HLCS: variants seen among roughly 807,000 people sequenced by gnomAD.
HLCS encodes biotin--protein ligase.
In HLCS, 53 loss-of-function variants were observed where a neutral mutation model predicts 75.0. The observed-to-expected ratio is 0.71, with a 90% confidence interval of 0.57 to 0.89. HLCS has a LOEUF of 0.89. HLCS is among the 40% of genes least tolerant of loss of function. The pLI is 0.00. For missense variants in HLCS, 966 were observed against 1,074.0 expected (o/e 0.90, Z 1.41); for synonymous variants, 431 against 428.6 (o/e 1.01, Z -0.07).
intron 1 of HLCS, among the ~76,000 whole-genome samples, chr21:36,984,717 G>C (rs929735335): frequency 5.3e-5 from 8 of 152,158 alleles, no homozygotes; most frequent in Admixed American, 2.0e-4. Context: ...ATGATCAGGG[G>C]TGATGGCTGC....
intron 5 of HLCS, among the ~76,000 whole-genome samples, chr21:36,920,551 T>C (rs1173749439): frequency 1.3e-5 from 2 of 152,058 alleles, no homozygotes; most frequent in East Asian, 3.8e-4. Context: ...GGATAAATGC[T>C]TGAGAAGATA....
intron 6 of HLCS, among the ~76,000 whole-genome samples, chr21:36,816,734 T>C (rs920233976): frequency 1.1e-4 from 16 of 152,190 alleles, no homozygotes; most frequent in African/African-American, 3.6e-4. Context: ...TCGGAAACGC[T>C]GACTTCAGGA....
At chr21:36,816,078 G>C (rs1484492004) in intron 6 of HLCS, among the ~76,000 whole-genome samples, 1 of 152,140 alleles carries the variant, frequency 6.6e-6, no homozygotes, top group African/African-American at 2.4e-5. Flanking sequence ...CAATGGCTAA[G>C]AGTACCAGAG....
intron 6 of HLCS, among the ~76,000 whole-genome samples, chr21:36,793,664 G>A (rs1309437119): frequency 1.3e-5 from 2 of 152,028 alleles, no homozygotes; most frequent in African/African-American, 4.8e-5. Flanking sequence ...TGAGTAAGCT[G>A]GTAGGATCAA....
At chr21:36,932,241 G>T (rs1043445233) in intron 4 of HLCS, among the ~76,000 whole-genome samples, 1 of 152,144 alleles carries the variant, frequency 6.6e-6, no homozygotes, top group African/African-American at 2.4e-5. Flanking sequence ...TTATTTAGAA[G>T]TCTGGTGATG....
At chr21:36,783,204 C>T (rs1321382487) in intron 6 of HLCS, among the ~76,000 whole-genome samples, 1 of 152,070 alleles carries the variant, frequency 6.6e-6, no homozygotes, top group African/African-American at 2.4e-5. Context: ...ATCAGAATCG[C>T]CTGCAGTTTT....
intron 5 of HLCS, among the ~76,000 whole-genome samples, chr21:36,927,082 G>A (rs150808448): frequency 3.9e-5 from 6 of 152,306 alleles, no homozygotes; most frequent in African/African-American, 4.8e-5. Flanking sequence ...TGTGGTAAAC[G>A]TGTGTTTGTG....
chr21:36,851,153 T>C (rs1418324442), intron 6 of HLCS, among the ~76,000 whole-genome samples: 1 of 152,162 alleles, frequency 6.6e-6, no homozygotes, highest in Non-Finnish European at 1.5e-5. Flanking sequence ...AGAGCTACCA[T>C]ACAATCCAGC....
intron 2 of HLCS, among the ~76,000 whole-genome samples, chr21:36,959,024 C>T (rs776615954): frequency 1.5e-4 from 23 of 152,184 alleles, no homozygotes; most frequent in Non-Finnish European, 2.8e-4. Flanking sequence ...TGGGAGCAGG[C>T]AGGAGCCCTT....
In HLCS at chr21:36,756,450, CAAAAAAAAAAAAAAAA is replaced by C. The variant is rs56071863; in HGVS notation, c.2450+76_2450+91del. 2.8e-5 allele frequency: 10 copies of C among 363,212 alleles called. 1 individual carries two copies. Among genetic ancestry groups the C allele is most frequent in the Middle Eastern group, 7.1e-4 (1 of 1,402 alleles). 22.5% of individuals were successfully genotyped at this position (363,212 alleles called of 1,614,324 possible). On this transcript the variant is annotated intron_variant, in intron 10 of 10. Transcript: ENST00000674895. ...TGGGCGACAGAGTGAGACTCCGTCTCAAAAAAAAAAAAAAAAAAAAAAAAAAAAGATACAGAACTAC... is the reference window on the plus strand; with the variant it reads ...TGGGCGACAGAGTGAGACTCCGTCTCAAAAAAAAAAAAGATACAGAACTAC...
At chr21:36,819,774 C>T (rs531697463) in intron 6 of HLCS, among the ~76,000 whole-genome samples, 1 of 152,166 alleles carries the variant, frequency 6.6e-6, no homozygotes, top group East Asian at 1.9e-4. Flanking sequence ...CTGCTGGGCT[C>T]CCAAATCCAT....
At chr21:36,942,640 C>T (rs891373372) in intron 2 of HLCS, among the ~76,000 whole-genome samples, 5 of 152,106 alleles carry the variant, frequency 3.3e-5, no homozygotes, top group African/African-American at 1.2e-4. Context: ...AATTGAACTT[C>T]ATCAAACATT....
At chr21:36,960,522 C>T (rs931833609) in intron 2 of HLCS, among the ~76,000 whole-genome samples, 9 of 152,196 alleles carry the variant, frequency 5.9e-5, no homozygotes, top group African/African-American at 1.7e-4. Flanking sequence ...ATGCTCTGCC[C>T]GCTCCAGGGC....
intron 2 of HLCS, among the ~76,000 whole-genome samples, chr21:36,954,381 G>A (rs921675162): frequency 6.6e-6 from 1 of 152,076 alleles, no homozygotes; most frequent in South Asian, 2.1e-4. Flanking sequence ...TTGGGAGGCT[G>A]AGGCAGGCAG....
chr21:36,840,863 T>G (rs1395780945), intron 6 of HLCS, among the ~76,000 whole-genome samples: 2 of 152,182 alleles, frequency 1.3e-5, no homozygotes, highest in African/African-American at 2.4e-5. Context: ...TCTGCCTGCC[T>G]TGGCCTCCCA....
chr21:36,944,288 A>G (rs1276483960), intron 2 of HLCS, among the ~76,000 whole-genome samples: 1 of 152,246 alleles, frequency 6.6e-6, no homozygotes, highest in Non-Finnish European at 1.5e-5. Context: ...TACATGCTGT[A>G]TAATTCCATT....
intron 6 of HLCS, among the ~76,000 whole-genome samples, chr21:36,862,432 C>A (rs997441283): frequency 1.3e-5 from 2 of 152,204 alleles, no homozygotes; most frequent in Non-Finnish European, 2.9e-5. Context: ...TCCAGTGTCT[C>A]CACATCCTTG....
At chr21:36,782,136 C>G (rs780782315) in intron 6 of HLCS, among the ~76,000 whole-genome samples, 5 of 151,950 alleles carry the variant, frequency 3.3e-5, no homozygotes, top group African/African-American at 4.8e-5. Context: ...TTTATACTGT[C>G]TTTAACAGAT....
At chr21:36,940,080 G>A (rs764659476) in intron 2 of HLCS, among the ~76,000 whole-genome samples, 13 of 152,048 alleles carry the variant, frequency 8.5e-5, no homozygotes, top group Middle Eastern at 3.2e-3. Context: ...TAATTTAAAG[G>A]TTGGTTGTGT....
Sources: allele counts gnomAD v4.1 joint callset (sites outside exome capture counted in the v4.1 genomes callset), GRCh38; gene constraint gnomAD v4.1.1; transcripts MANE v1.5; gene names NCBI Gene and HGNC (gene_info 2026-07-23, HGNC 2026-07-21).